The following CDK5RAP2 variants were observed in gnomAD, a reference collection of about 807,000 sequenced individuals.
CDK5RAP2 encodes the protein CDK5 regulatory subunit associated protein 2.
CDK5RAP2 carries 147 observed loss-of-function variants against 232.9 expected under a neutral mutation model. That is an observed-to-expected ratio of 0.63 (90% CI 0.55 to 0.72). CDK5RAP2 has a LOEUF of 0.72. Among genes scored for constraint, CDK5RAP2 ranks in the 30% least tolerant of loss-of-function variants. The probability of loss-of-function intolerance (pLI) is 0.00; values close to 1 mark genes in which losing one functional copy is unlikely to be tolerated. For missense variants in CDK5RAP2, 2,195 were observed against 2,231.5 expected, an observed-to-expected ratio of 0.98 and a Z score of 0.33; for synonymous variants, 833 against 833.7, an observed-to-expected ratio of 1.00 and a Z score of 0.01.
intron 11 of CDK5RAP2, among the ~76,000 whole-genome samples, chr9:120,520,323 T>G (rs932046100): frequency 3.3e-5 from 5 of 152,066 alleles, no homozygotes; most frequent in Admixed American, 3.3e-4. Flanking sequence ...GGTCTCTATT[T>G]TCATATGGTC....
At chr9:120,548,747 G>T (rs547279649) in intron 4 of CDK5RAP2, among the ~76,000 whole-genome samples, 84 of 152,312 alleles carry the variant, frequency 5.5e-4, no homozygotes, top group African/African-American at 2.0e-3. Flanking sequence ...AAGAGTTCAA[G>T]GTTGCAGTGA....
intron 3 of CDK5RAP2, among the ~76,000 whole-genome samples, chr9:120,561,481 G>T (rs2042462999): frequency 6.6e-6 from 1 of 151,468 alleles, no homozygotes; most frequent in African/African-American, 2.4e-5. Context: ...ATTTTTTTTT[G>T]TAGAAATGGG....
intron 3 of CDK5RAP2, among the ~76,000 whole-genome samples, chr9:120,555,609 G>A (rs541878082): frequency 8.5e-5 from 13 of 152,218 alleles, no homozygotes; most frequent in Admixed American, 3.9e-4. Flanking sequence ...CTGCTGATGC[G>A]AATGCAAAAT....
Position 120,458,497 on chromosome 9 carries a change from C to G in CDK5RAP2, c.2328G>C (p.Leu776=). The G allele has an allele frequency of 6.2e-7, 1 of 1,614,150 alleles. No homozygotes were observed. The highest frequency in any genetic ancestry group is 8.5e-7 in the Non-Finnish European group (1 of 1,180,024). Reference sequence around the variant, plus strand: ...CCTTCTCATTGAACAAAGGGGCAAGCAGGTTTATGAATGCACCTTCTTCTA... The same window carrying G: ...CCTTCTCATTGAACAAAGGGGCAAGGAGGTTTATGAATGCACCTTCTTCTA... The part of the protein sequence containing the change: ...GCLEEGAFIN[L]LAPLFNEKAT... Residue 776 remains leucine, a synonymous_variant, in exon 20 of 38, where the codon CTG becomes CTC. Transcript: ENST00000349780.
intron 20 of CDK5RAP2, among the ~76,000 whole-genome samples, chr9:120,458,184 C>T (rs937866838): frequency 6.6e-6 from 1 of 152,234 alleles, no homozygotes; most frequent in Non-Finnish European, 1.5e-5. Context: ...GCAGTCCTTT[C>T]TGGGGGCTCC....
chr9:120,461,900 G>A lies in CDK5RAP2; in HGVS notation c.2107-1233C>T, dbSNP rs551288201. On this transcript the variant is annotated intron_variant, in intron 18 of 37. Coordinates refer to ENST00000349780, the MANE Select transcript of CDK5RAP2 (RefSeq NM_018249.6). Reference sequence around the variant, plus strand: ...GAAGGTGCTGAAACCACAGAGTATTGGGTCATTTGTTGGGCATGTTGTACG... The same window carrying A: ...GAAGGTGCTGAAACCACAGAGTATTAGGTCATTTGTTGGGCATGTTGTACG... Among the ~76,000 whole-genome samples, 21 of 152,334 alleles carry A rather than the reference G, an allele frequency of 1.4e-4. No homozygotes were observed. The South Asian group carries it at 4.3e-3, about 32-fold the overall frequency.
chr9:120,492,987 TA>T (rs1419524850), intron 12 of CDK5RAP2, among the ~76,000 whole-genome samples: 1 of 152,254 alleles, frequency 6.6e-6, no homozygotes, highest in African/African-American at 2.4e-5. Flanking sequence ...CTATAGTCTC[TA>T]AACGCCTTTT....
chr9:120,529,998 C>T lies in CDK5RAP2; in HGVS notation c.805G>A (p.Glu269Lys), dbSNP rs762844592. The change falls in exon 8 of 38, where the codon GAA becomes AAA. Residue 269 changes from glutamate (E) to lysine (K), a missense_variant. By Grantham distance (56) the Glu-to-Lys change is moderately conservative. Coordinates refer to ENST00000349780, the MANE Select transcript of CDK5RAP2 (RefSeq NM_018249.6). ...CTCACCTCAGTTTCTCTCTCCTTTT[C>T]TTCCCTTGGAGCAGCACAAAGTCCT... is the stretch of plus-strand genomic sequence containing the variant. ...LRGLCAAPREEKERETEAAQM... is the reference protein window; with the variant it reads ...LRGLCAAPREKKERETEAAQM... 6.2e-7 allele frequency: 1 copy of T among 1,613,968 alleles called. No individual in the cohort carries two copies. Among genetic ancestry groups the T allele is most frequent in the South Asian group, 1.1e-5 (1 of 91,078 alleles).
rs1353386741 is a variant in CDK5RAP2, at chr9:120,470,102, G to A, written c.1968+9C>T. On this transcript the variant is annotated intron_variant, in intron 17 of 37. Transcript: ENST00000349780. ...AAAAGAAAAGCACTAAAAATTAATA[G>A]GTCAATACCTTTTTCTTAAGTTCTT... 1 of 1,335,510 alleles carries A rather than the reference G, an allele frequency of 7.5e-7. No homozygotes were observed. Among genetic ancestry groups the A allele is most frequent in the Non-Finnish European group, 1.1e-6 (1 of 933,628 alleles). 82.7% of individuals were successfully genotyped at this position (1,335,510 alleles called of 1,614,324 possible).
chr9:120,575,402 T>G (rs1261167051), intron 1 of CDK5RAP2, among the ~76,000 whole-genome samples: 1 of 152,158 alleles, frequency 6.6e-6, no homozygotes, highest in Non-Finnish European at 1.5e-5. Flanking sequence ...GACCTTCACC[T>G]GAGCTCCACC....
chr9:120,474,331 A>T (rs181036766), intron 15 of CDK5RAP2, among the ~76,000 whole-genome samples: 1 of 152,174 alleles, frequency 6.6e-6, no homozygotes, highest in Admixed American at 6.5e-5. Context: ...TCTGGAGATG[A>T]TTTTGCCCCC....
chr9:120,472,007 T>C, intron 15 of CDK5RAP2, 129 bp from the exon 16 acceptor site: 1 of 1,206,008 alleles, frequency 8.3e-7, no homozygotes, highest in Non-Finnish European at 1.2e-6. Context: ...TATATACAGG[T>C]TTACTATAGA....
intron 18 of CDK5RAP2, among the ~76,000 whole-genome samples, chr9:120,461,254 C>T (rs149051569): frequency 8.5e-5 from 13 of 152,358 alleles, no homozygotes; most frequent in East Asian, 1.9e-4. Flanking sequence ...AAGAGTATCA[C>T]GCTTGCGTGA....
chr9:120,554,074 A>G (rs1029964255), intron 3 of CDK5RAP2, among the ~76,000 whole-genome samples: 2 of 152,260 alleles, frequency 1.3e-5, no homozygotes, highest in African/African-American at 4.8e-5. Context: ...GAGAGACCAC[A>G]TTGTGCACTC....
intron 20 of CDK5RAP2, 143 bp downstream of exon 20, chr9:120,458,307 T>C (rs1447716048): frequency 1.3e-6 from 1 of 796,582 alleles, no homozygotes; most frequent in Admixed American, 2.1e-5. Context: ...CTTAATTTCA[T>C]GACTGGCAAG....
chr9:120,477,337 C>G lies in CDK5RAP2; in HGVS notation c.1727+13G>C. On this transcript the variant is annotated intron_variant, in intron 15 of 37. Coordinates refer to ENST00000349780, the MANE Select transcript of CDK5RAP2 (RefSeq NM_018249.6). Reference sequence around the variant, plus strand: ...CGCATTCACATGTGTGATGTCCAGACAGAAACGCTTACCTGTCTGATTCCT... The same window carrying G: ...CGCATTCACATGTGTGATGTCCAGAGAGAAACGCTTACCTGTCTGATTCCT... The G allele has an allele frequency of 6.3e-7, 1 of 1,599,724 alleles. No individual in the cohort carries two copies. The highest frequency in any genetic ancestry group is 8.6e-7 in the Non-Finnish European group (1 of 1,167,812).
At chr9:120,397,828 T>C (rs1245267267) in intron 35 of CDK5RAP2, among the ~76,000 whole-genome samples, 3 of 152,214 alleles carry the variant, frequency 2.0e-5, no homozygotes, top group Non-Finnish European at 4.4e-5. Flanking sequence ...GGGTGCACTC[T>C]CAGAGTTCCT....
In CDK5RAP2 at chr9:120,420,029, GA is replaced by G. The variant is rs369238512; in HGVS notation, c.4005-70del. The G allele has an allele frequency of 8.5e-5, 104 of 1,229,080 alleles. No individual in the cohort carries two copies. In the African/African-American group the frequency reaches 1.1e-3, roughly 12 times the overall value. 76.1% of individuals were successfully genotyped at this position (1,229,080 alleles called of 1,614,324 possible). On this transcript the variant is annotated intron_variant, in intron 26 of 37. Transcript: ENST00000349780. ...ATCCCAAGCCAGGACTATGACTTAC[GA>G]ATACTTACGATTACTTTACTCTTAG...
intron 22 of CDK5RAP2, 24 bp downstream of exon 22, chr9:120,447,871 G>C (rs1387131237): frequency 3.1e-5 from 48 of 1,530,256 alleles, no homozygotes; most frequent in Non-Finnish European, 4.3e-5. Context: ...AGCTCACAGG[G>C]AATACATTTT....
Sources: allele counts gnomAD v4.1 joint callset (sites outside exome capture counted in the v4.1 genomes callset), GRCh38; gene constraint gnomAD v4.1.1; transcripts MANE v1.5; gene names NCBI Gene and HGNC (gene_info 2026-07-23, HGNC 2026-07-21).